Variants in PAPLN observed in about 807,000 individuals in gnomAD.
PAPLN encodes the protein papilin, proteoglycan like sulfated glycoprotein.
A neutral mutation model predicts 159.0 loss-of-function variants in PAPLN; 146 were observed. The observed-to-expected ratio is 0.92, with a 90% CI of 0.80 to 1.05. PAPLN has a LOEUF of 1.05. Among genes scored for constraint, PAPLN ranks in the 50% least tolerant of loss-of-function variants. The pLI is 0.00. For missense variants in PAPLN, 1,720 were observed against 1,743.9 expected (o/e 0.99, Z 0.24); for synonymous variants, 734 against 702.9 (o/e 1.04, Z -0.70).
chr14:73,239,851 C>CG lies in PAPLN; in HGVS notation c.54+21dup. The CG allele has an allele frequency of 6.4e-7, 1 of 1,570,034 alleles. No individual in the cohort carries two copies. The highest frequency in any genetic ancestry group is 1.2e-5 in the South Asian group (1 of 86,804). On this transcript the variant is annotated intron_variant, in intron 2 of 26. Coordinates refer to ENST00000644200, the MANE Select transcript of PAPLN (RefSeq NM_001365906.3). ...GTCCTCGGTGAGTGCGGTCCTGCCCCGGCCCCCGGAGGAACCTGCAGGGGA... is the reference window on the plus strand; with the variant it reads ...GTCCTCGGTGAGTGCGGTCCTGCCCCGGGCCCCCGGAGGAACCTGCAGGGGA...
intron 1 of PAPLN, 170 bp from the exon 2 acceptor site, chr14:73,239,603 G>A: frequency 6.3e-6 from 8 of 1,278,136 alleles, no homozygotes; most frequent in Non-Finnish European, 8.1e-6. Flanking sequence ...GCCCGGCGGG[G>A]CGCCCTCACG....
In PAPLN at chr14:73,263,745, G is replaced by A; in HGVS notation, c.2824G>A (p.Ala942Thr). ...SDDTAPESQA[A>T]WQKDGQPISS... ...CGACACTGCCCCGGAATCCCAGGCT[G>A]CCTGGCAGAAAGATGGCCAGCCCAT... The change falls in exon 20 of 27, where the codon GCC becomes ACC. Residue 942 changes from alanine to threonine, a missense_variant. By Grantham distance (58) the Ala-to-Thr change is moderately conservative (BLOSUM62 0). Transcript: ENST00000644200. 1.9e-6 allele frequency: 3 copies of A among 1,608,018 alleles called. No individual in the cohort carries two copies. The highest frequency in any genetic ancestry group is 1.3e-5 in the African/African-American group (1 of 75,036).
chr14:73,241,723 G>T (rs1032409992), intron 2 of PAPLN, among the ~76,000 whole-genome samples: 3 of 152,238 alleles, frequency 2.0e-5, no homozygotes, highest in African/African-American at 7.2e-5. Context: ...CCCAGTCCGA[G>T]CACCTTCTCT....
intron 21 of PAPLN, 67 bp from the exon 22 acceptor site, chr14:73,264,520 TG>T (rs1295735756): frequency 1.4e-5 from 21 of 1,545,184 alleles, no homozygotes; most frequent in Non-Finnish European, 1.7e-5. Flanking sequence ...GCTGGTCTCA[TG>T]GCCCGCCCTT....
chr14:73,262,806 C>G lies in PAPLN; in HGVS notation c.2702C>G (p.Pro901Arg). ...LGGDAGSPAPPFHSSSYRISL... is the reference protein window; with the variant it reads ...LGGDAGSPAPRFHSSSYRISL... ...GGAGATGCCGGATCACCAGCGCCAC[C>G]CTTCCACAGCTCCTCCTACAGGTGA... is the stretch of plus-strand genomic sequence containing the variant. Residue 901 changes from proline (P) to arginine (R), a missense_variant, in exon 19 of 27, where the codon CCC becomes CGC. Physicochemically the swap from Pro to Arg is moderately radical, Grantham distance 103. Coordinates refer to ENST00000644200, the MANE Select transcript of PAPLN (RefSeq NM_001365906.3). The G allele has an allele frequency of 6.7e-7, 1 of 1,492,696 alleles. No homozygotes were observed. Among genetic ancestry groups the G allele is most frequent in the Non-Finnish European group, 8.9e-7 (1 of 1,125,796 alleles). The allele number at this position is 1,492,696 out of a possible 1,614,324, so 92.5% of individuals were successfully genotyped here. A position where few individuals can be genotyped will look rare whatever the true frequency, so the allele number is the denominator to read the frequency against.
intron 26 of PAPLN, among the ~76,000 whole-genome samples, chr14:73,271,014 G>T (rs1358435516): frequency 6.6e-6 from 1 of 152,204 alleles, no homozygotes; most frequent in African/African-American, 2.4e-5. Context: ...TCGCTGTGAA[G>T]TAGGTTGCTG....
intron 26 of PAPLN, among the ~76,000 whole-genome samples, chr14:73,269,917 G>C (rs553314140): frequency 2.0e-5 from 3 of 152,354 alleles, no homozygotes; most frequent in African/African-American, 7.2e-5. Flanking sequence ...GCCAGTACTA[G>C]AAGTTGAAGG....
rs1265446829 is a variant in PAPLN, at chr14:73,251,692, C to T, written c.699C>T (p.Tyr233=). The T allele has an allele frequency of 2.5e-6, 4 of 1,613,506 alleles. No individual in the cohort carries two copies. In the Admixed American group the frequency reaches 6.7e-5, roughly 27 times the overall value. The change falls in exon 9 of 27, where the codon TAC becomes TAT. Residue 233 remains tyrosine (Y), a synonymous_variant. Transcript: ENST00000644200. ...LAVKNVRGEY[Y]LNGHWTIEAA... ...TGAAGAATGTTCGTGGGGAATACTA[C>T]CTCAATGGGCACTGGACCATCGAGG...
intron 21 of PAPLN, 49 bp downstream of exon 21, chr14:73,264,384 G>A (rs769954131): frequency 1.9e-6 from 3 of 1,585,246 alleles, no homozygotes; most frequent in Non-Finnish European, 2.6e-6. Context: ...GGCCCGAGTG[G>A]GAAGGCCAGG....
intron 2 of PAPLN, among the ~76,000 whole-genome samples, chr14:73,240,436 A>G (rs1479150207): frequency 6.6e-6 from 1 of 152,086 alleles, no homozygotes; most frequent in East Asian, 1.9e-4. Context: ...TTATTTTTAA[A>G]ATTTTTAAGT....
intron 1 of PAPLN, 149 bp downstream of exon 1, chr14:73,237,741 G>C (rs575445737): frequency 2.0e-5 from 3 of 152,350 alleles, no homozygotes; most frequent in African/African-American, 7.2e-5. Flanking sequence ...GCCCCGGCTC[G>C]CTCTCCGGAG....
chr14:73,271,073 C>T (rs1887673808), intron 26 of PAPLN, among the ~76,000 whole-genome samples: 1 of 152,090 alleles, frequency 6.6e-6, no homozygotes, highest in Non-Finnish European at 1.5e-5. Context: ...GCATAAAGGG[C>T]TTAAGCAACT....
chr14:73,244,509 A>G (rs1883967674), intron 2 of PAPLN, 135 bp from the exon 3 acceptor site: 1 of 705,536 alleles, frequency 1.4e-6, no homozygotes, highest in African/African-American at 1.8e-5. Context: ...GCTGAGTCCT[A>G]AAGGTGGGCC....
At chr14:73,270,209 G>A (rs1026384899) in intron 26 of PAPLN, among the ~76,000 whole-genome samples, 1 of 152,234 alleles carries the variant, frequency 6.6e-6, no homozygotes, top group Non-Finnish European at 1.5e-5. Context: ...TGGCCGGGCA[G>A]GCTGCGCTCC....
At position 73,251,539 on chromosome 14, in the gene PAPLN, G is replaced by A. The variant is rs753443038; in HGVS notation, c.643G>A (p.Glu215Lys). ...PMGATSILIDEAAASRNFLAV... is the reference protein window; with the variant it reads ...PMGATSILIDKAAASRNFLAV... ...GGGTGCCACCAGCATCCTCATCGAC[G>A]AGGCTGCTGCCAGCAGGAACTTCCT... The change falls in exon 8 of 27, where the codon GAG becomes AAG. Residue 215 changes from glutamate to lysine, a missense_variant. Coordinates refer to ENST00000644200, the MANE Select transcript of PAPLN (RefSeq NM_001365906.3). 10 of 1,612,364 alleles carry A rather than the reference G, an allele frequency of 6.2e-6. No individual in the cohort carries two copies. Among genetic ancestry groups the A allele is most frequent in the South Asian group, 4.4e-5 (4 of 91,084 alleles).
At chr14:73,246,642 CT>C (rs60063397) in intron 5 of PAPLN, among the ~76,000 whole-genome samples, 2,709 of 116,690 alleles carry the variant, frequency 0.023, 21 homozygotes, top group Non-Finnish European at 0.033. Context: ...TTCTTTCTTT[CT>C]TTTTTTTTTT....
At chr14:73,257,988 C>T (rs1886121021) in intron 14 of PAPLN, among the ~76,000 whole-genome samples, 1 of 152,120 alleles carries the variant, frequency 6.6e-6, no homozygotes, top group East Asian at 1.9e-4. Flanking sequence ...GGTCTCGAAA[C>T]TCCTGACCTC....
intron 14 of PAPLN, among the ~76,000 whole-genome samples, chr14:73,255,552 G>A (rs73306807): frequency 0.017 from 2,626 of 152,224 alleles, 81 homozygotes; most frequent in African/African-American, 0.057. Context: ...CCATCCCACT[G>A]TGAAAGGAGC....
intron 18 of PAPLN, 185 bp from the exon 19 acceptor site, chr14:73,262,165 C>G (rs1886655925): frequency 1.5e-6 from 1 of 658,596 alleles, no homozygotes; most frequent in Non-Finnish European, 2.6e-6. Flanking sequence ...GGCAGGTCTG[C>G]ACAGTGGACA....
Sources: gnomAD v4.1 joint callset for allele counts (sites outside exome capture counted in the v4.1 genomes callset) on GRCh38, gnomAD v4.1.1 for gene constraint, MANE v1.5 for transcripts, NCBI Gene and HGNC (gene_info 2026-07-23, HGNC 2026-07-21) for gene names.